TEX2: variants seen among roughly 807,000 people sequenced by gnomAD.
TEX2 encodes testis-expressed protein 2.
In TEX2, 53 loss-of-function variants were observed where a neutral mutation model predicts 106.9. That is an observed-to-expected ratio of 0.50 (90% CI 0.40 to 0.62). The LOEUF (loss-of-function observed/expected upper bound fraction) is 0.62. TEX2 is among the 20% of genes least tolerant of loss of function. The pLI is 0.00. For synonymous variants in TEX2, 523 were observed against 534.8 expected, an observed-to-expected ratio of 0.98 and a Z score of 0.30; for missense variants, 1,207 against 1,379.0, an observed-to-expected ratio of 0.88 and a Z score of 1.98.
intron 1 of TEX2, among the ~76,000 whole-genome samples, chr17:64,254,223 C>T (rs1241380072): frequency 6.6e-6 from 1 of 152,224 alleles, no homozygotes; most frequent in Non-Finnish European, 1.5e-5. Context: ...CTCCCCAGGT[C>T]TTTGAGCCTT....
chr17:64,182,922 T>A (rs887296400), intron 5 of TEX2, among the ~76,000 whole-genome samples: 6 of 151,642 alleles, frequency 4.0e-5, no homozygotes, highest in Non-Finnish European at 4.4e-5. Flanking sequence ...TTTTTTTTTT[T>A]TAAAACAGAG....
chr17:64,242,946 T>A (rs1555635900), intron 1 of TEX2, among the ~76,000 whole-genome samples: 3 of 151,628 alleles, frequency 2.0e-5, no homozygotes, highest in African/African-American at 7.3e-5. Flanking sequence ...TTTTTTTTTT[T>A]GAGATGGAGT....
At chr17:64,257,608 C>T (rs2034207598) in intron 1 of TEX2, among the ~76,000 whole-genome samples, 1 of 152,220 alleles carries the variant, frequency 6.6e-6, no homozygotes, top group South Asian at 2.1e-4. Context: ...AGATCCACGC[C>T]GTAGGCGCTA....
chr17:64,260,602 C>A (rs985083823), intron 1 of TEX2, among the ~76,000 whole-genome samples: 14 of 152,318 alleles, frequency 9.2e-5, no homozygotes, highest in Middle Eastern at 3.4e-3. Flanking sequence ...GAGGCTATCA[C>A]ACCTCCATTA....
At chr17:64,150,096 C>A (rs1412443769) in intron 11 of TEX2, 1 of 152,008 alleles carries the variant, frequency 6.6e-6, no homozygotes, top group East Asian at 1.9e-4. Flanking sequence ...AAGGCAGTAA[C>A]TCAAAATATA....
chr17:64,182,608 T>A (rs2031922422), intron 5 of TEX2, among the ~76,000 whole-genome samples: 1 of 152,096 alleles, frequency 6.6e-6, no homozygotes, highest in South Asian at 2.1e-4. Flanking sequence ...CCATTAGCAG[T>A]CACTCCCTAT....
intron 1 of TEX2, among the ~76,000 whole-genome samples, chr17:64,259,822 G>A (rs543849811): frequency 6.6e-6 from 1 of 152,214 alleles, no homozygotes; most frequent in East Asian, 1.9e-4. Flanking sequence ...TAAGACCATT[G>A]ACTATAAGAC....
At chr17:64,170,987 A>G in intron 7 of TEX2, 113 bp downstream of exon 7, 1 of 814,856 alleles carries the variant, frequency 1.2e-6, no homozygotes, top group Non-Finnish European at 2.0e-6. Context: ...ACTCAACATG[A>G]AACAGATGAT....
chr17:64,232,244 G>A (rs2033675436), intron 1 of TEX2, among the ~76,000 whole-genome samples: 1 of 152,122 alleles, frequency 6.6e-6, no homozygotes. Context: ...AAGAGTTATT[G>A]GTGTTTGATT....
chr17:64,218,277 C>T (rs1328811960), intron 1 of TEX2, among the ~76,000 whole-genome samples: 2 of 151,998 alleles, frequency 1.3e-5, no homozygotes, highest in Admixed American at 1.3e-4. Flanking sequence ...GGCTTTGAAG[C>T]TTCAAGAACT....
intron 2 of TEX2, among the ~76,000 whole-genome samples, chr17:64,210,641 T>TTTTTTTTTTTTTTTTTTTG (rs2032972978): frequency 7.0e-6 from 1 of 142,222 alleles, no homozygotes; most frequent in Non-Finnish European, 1.6e-5. Context: ...CAGCTTTTTT[T>TTTTTTTTTTTTTTTTTTTG]TTTTTTTTTT....
intron 1 of TEX2, among the ~76,000 whole-genome samples, chr17:64,246,520 C>T (rs1337649239): frequency 6.6e-6 from 1 of 152,222 alleles, no homozygotes; most frequent in African/African-American, 2.4e-5. Context: ...GCTGGGATTA[C>T]AGGCGTGACC....
In TEX2 at chr17:64,148,813, T is replaced by G; in HGVS notation, c.*156A>C. On this transcript the variant is annotated 3_prime_UTR_variant, in exon 12 of 12. Transcript: ENST00000584379. ...GTCACTAGATGCAGGGAATGACACC[T>G]CACAGTGGAATGGGCACTGGCAGGC... 1.1e-6 allele frequency: 1 copy of G among 872,322 alleles called. No homozygotes were observed. Among genetic ancestry groups the G allele is most frequent in the Non-Finnish European group, 1.7e-6 (1 of 581,090 alleles). The allele number at this position is 872,322 out of a possible 1,614,324, so 54.0% of individuals were successfully genotyped here.
At position 64,180,024 on chromosome 17, in the gene TEX2, TCTC is replaced by T. The variant is rs1417404833; in HGVS notation, c.2425-2556_2425-2554del. On this transcript the variant is annotated intron_variant, in intron 5 of 11. Coordinates refer to ENST00000584379, the MANE Select transcript of TEX2 (RefSeq NM_001288732.2). The stretch of plus-strand genomic sequence containing the variant: ...AATCCCTTTTTTCTCTGACTGAACA[TCTC>T]CTTCCCAGCCCCAAGGGTAATTCAT... 3.3e-5 allele frequency among the ~76,000 whole-genome samples: 5 copies of T among 152,256 alleles called. No homozygotes were observed. The East Asian group carries it at 7.7e-4, about 24-fold the overall frequency.
Position 64,171,192 on chromosome 17 carries a change from T to TC in TEX2, c.2578_2579insG (p.Tyr860Ter). Residue 860 changes from tyrosine (Y) to a stop codon, truncating the protein, a stop_gained and frameshift_variant, in exon 7 of 12, where the codon TAC becomes TGAC. Transcript: ENST00000584379. LOFTEE classifies it high-confidence loss of function. ...CGTCAGAGTGAGCTCATTCATAAAGTAGGGGAGCTAGAGGAAACAAGCAAA... is the reference window on the plus strand; with the variant it reads ...CGTCAGAGTGAGCTCATTCATAAAGTCAGGGGAGCTAGAGGAAACAAGCAAA... ...QMKLSKIKLP[Y>*]FMNELTLTEL... 6.2e-7 allele frequency: 1 copy of TC among 1,613,734 alleles called. No homozygotes were observed. The highest frequency in any genetic ancestry group is 8.5e-7 in the Non-Finnish European group (1 of 1,179,786).
chr17:64,170,397 C>A (rs1425817172), intron 7 of TEX2, among the ~76,000 whole-genome samples: 2 of 152,156 alleles, frequency 1.3e-5, no homozygotes, highest in Non-Finnish European at 2.9e-5. Context: ...TGAGGAGAGG[C>A]AGCTCCTGGC....
At chr17:64,223,713 CT>C (rs34897234) in intron 1 of TEX2, among the ~76,000 whole-genome samples, 47 of 110,770 alleles carry the variant, frequency 4.2e-4, no homozygotes, top group African/African-American at 5.1e-4. Context: ...AACAGAGCAT[CT>C]TTTTTTTTTT....
intron 8 of TEX2, among the ~76,000 whole-genome samples, chr17:64,160,294 G>A (rs180881831): frequency 7.2e-5 from 11 of 152,150 alleles, no homozygotes; most frequent in African/African-American, 2.7e-4. Flanking sequence ...ACAAAGAGAG[G>A]GATTTACTAC....
At chr17:64,229,884 C>T (rs764386904) in intron 1 of TEX2, among the ~76,000 whole-genome samples, 6 of 152,108 alleles carry the variant, frequency 3.9e-5, no homozygotes, top group Non-Finnish European at 7.3e-5. Context: ...ATGTGAGGAA[C>T]GTATTTCAGA....
Sources: gnomAD v4.1 joint callset for allele counts (sites outside exome capture counted in the v4.1 genomes callset) on GRCh38, gnomAD v4.1.1 for gene constraint, MANE v1.5 for transcripts, NCBI Gene and HGNC (gene_info 2026-07-23, HGNC 2026-07-21) for gene names.